CACNG8: variants seen among roughly 807,000 people sequenced by gnomAD.
CACNG8 encodes calcium voltage-gated channel auxiliary subunit gamma 8.
CACNG8 carries 5 observed loss-of-function variants against 26.9 expected under a neutral mutation model. The observed-to-expected ratio is 0.19, with a 90% confidence interval of 0.10 to 0.39. The LOEUF is 0.39. Among genes scored for constraint, CACNG8 ranks in the 10% least tolerant of loss-of-function variants. The pLI, the probability that CACNG8 is intolerant of heterozygous loss-of-function variation, is 1.00. For missense variants in CACNG8, 473 were observed against 609.4 expected (o/e 0.78, Z 2.36); for synonymous variants, 321 against 296.7 (o/e 1.08, Z -0.84).
Position 53,983,755 on chromosome 19 carries a change from C to G in CACNG8, c.*906C>G, listed in dbSNP as rs1446664004. On this transcript the variant is annotated 3_prime_UTR_variant, in exon 4 of 4. Transcript: ENST00000270458. ...ATGAGAAGAAGCCAGCAGGGCGGAG[C>G]TGGGGCAGGAGTGTGGCAGGCAGAG... is the stretch of plus-strand genomic sequence containing the variant. 7 of 152,596 alleles carry G rather than the reference C, an allele frequency of 4.6e-5. No homozygotes were observed. Among genetic ancestry groups the G allele is most frequent in the African/African-American group, 1.2e-4 (5 of 41,446 alleles). 9.5% of individuals were successfully genotyped at this position (152,596 alleles called of 1,614,324 possible).
Position 53,963,164 on chromosome 19 carries a change from A to G in CACNG8, c.22A>G (p.Asn8Asp). The change falls in exon 1 of 4, where the codon AAC (asparagine) becomes GAC (aspartate). Residue 8 changes from asparagine (N) to aspartate (D), a missense_variant. Asn to Asp is a conservative substitution (Grantham distance 23). This residue lies in a region of CACNG8 where 26 missense variants were observed against 23.8 expected (regional missense o/e 1.09). Coordinates refer to ENST00000270458, the MANE Select transcript of CACNG8 (RefSeq NM_031895.6). The stretch of plus-strand genomic sequence containing the variant: ...CAAACTGGAGTCGCTGAAGCGCTGG[A>G]ACGAAGAGCGGGGCCTCTGGTGCGA... 6.5e-7 allele frequency: 1 copy of G among 1,549,638 alleles called. No homozygotes were observed. Among genetic ancestry groups the G allele is most frequent in the Non-Finnish European group, 8.7e-7 (1 of 1,150,004 alleles).
At position 53,987,663 on chromosome 19, in the gene CACNG8, G is replaced by A. The variant is rs1478086094; in HGVS notation, c.*4814G>A. ...ACGCACATCTCTGATGGGCACCGAT[G>A]AGGATTGTTACCAGGAACGAGGAGA... is the stretch of plus-strand genomic sequence containing the variant. On this transcript the variant is annotated 3_prime_UTR_variant, in exon 4 of 4. Transcript: ENST00000270458. The A allele has an allele frequency of 2.6e-5, 4 of 152,318 alleles. No homozygotes were observed. Among genetic ancestry groups the A allele is most frequent in the African/African-American group, 9.7e-5 (4 of 41,430 alleles). The allele number at this position is 152,318 out of a possible 1,614,324, so 9.4% of individuals were successfully genotyped here.
At chr19:53,977,528 ACTC>A in intron 1 of CACNG8, among the ~76,000 whole-genome samples, 1 of 151,774 alleles carries the variant, frequency 6.6e-6, no homozygotes, top group South Asian at 2.1e-4. Flanking sequence ...TGCTTCAACT[ACTC>A]CATTTCTCTC....
Position 53,982,567 on chromosome 19 carries a change from C to T in CACNG8, c.996C>T (p.Ala332=), listed in dbSNP as rs2069377516. ...GGGCCGGCGGCGGCGGCGGCGGCGC[C>T]GTGGGGGCGTTCGGCGGCGCGGCCG... The change falls in exon 4 of 4, where the codon GCC becomes GCT. Residue 332 remains alanine, a synonymous_variant. Transcript: ENST00000270458. The surrounding 1 kb of genome is among the most constrained non-coding windows in gnomAD (Gnocchi z 8.4). 9.3e-6 allele frequency: 10 copies of T among 1,079,710 alleles called. No homozygotes were observed. Among genetic ancestry groups the T allele is most frequent in the Non-Finnish European group, 1.1e-5 (10 of 890,930 alleles). The allele number at this position is 1,079,710 out of a possible 1,614,324, so 66.9% of individuals were successfully genotyped here.
chr19:53,965,989 C>T (rs572135682), intron 1 of CACNG8, among the ~76,000 whole-genome samples: 44 of 152,086 alleles, frequency 2.9e-4, no homozygotes, highest in African/African-American at 9.2e-4. Flanking sequence ...TCAGCGTGGC[C>T]GGGGCAGAGT....
intron 3 of CACNG8, among the ~76,000 whole-genome samples, chr19:53,981,870 C>A (rs2069370692): frequency 1.3e-5 from 2 of 152,084 alleles, no homozygotes; most frequent in African/African-American, 4.8e-5. Context: ...CAGGGAAGCG[C>A]CTAGAGCATC....
chr19:53,963,850 G>GACA (rs200906804), intron 1 of CACNG8, among the ~76,000 whole-genome samples: 1 of 125,370 alleles, frequency 8.0e-6, no homozygotes, highest in African/African-American at 3.1e-5. Flanking sequence ...CGCCCAGGCT[G>GACA]GAGTACGGTG....
At chr19:53,966,041 G>T (rs1034573615) in intron 1 of CACNG8, among the ~76,000 whole-genome samples, 1 of 151,958 alleles carries the variant, frequency 6.6e-6, no homozygotes, top group Non-Finnish European at 1.5e-5. Context: ...AGTCGTAGGG[G>T]TATCAGGGTC....
At position 53,981,619 on chromosome 19, in the gene CACNG8, G is replaced by A. The variant is rs970031839; in HGVS notation, c.509-461G>A. On this transcript the variant is annotated intron_variant, in intron 3 of 3. Transcript: ENST00000270458. ...TGGGGGCAGGACCTGGACCATCCAG[G>A]GCCGTGTCTGGACCATTCAGGGCAG... 6.6e-5 allele frequency among the ~76,000 whole-genome samples: 10 copies of A among 152,112 alleles called. No individual in the cohort carries two copies. The South Asian group carries it at 1.2e-3, about 19-fold the overall frequency.
intron 1 of CACNG8, among the ~76,000 whole-genome samples, chr19:53,964,598 G>A (rs913800148): frequency 6.6e-6 from 1 of 151,952 alleles, no homozygotes; most frequent in African/African-American, 2.4e-5. Context: ...CTTCGACTTG[G>A]TTCTTTTCCT....
intron 3 of CACNG8, 84 bp downstream of exon 3, chr19:53,980,091 C>T: frequency 8.1e-6 from 11 of 1,353,714 alleles, no homozygotes; most frequent in Middle Eastern, 2.1e-4. Flanking sequence ...TGTGTGCGCG[C>T]GCGCGCGTGA....
At chr19:53,980,360 A>T (rs1220505111) in intron 3 of CACNG8, among the ~76,000 whole-genome samples, 1 of 151,910 alleles carries the variant, frequency 6.6e-6, no homozygotes, top group Non-Finnish European at 1.5e-5. Context: ...TTGAGACACA[A>T]TTGGGCTCTT....
At chr19:53,976,525 T>C (rs1363785606) in intron 1 of CACNG8, among the ~76,000 whole-genome samples, 1 of 152,224 alleles carries the variant, frequency 6.6e-6, no homozygotes, top group Non-Finnish European at 1.5e-5. Flanking sequence ...CTTATATTAA[T>C]TCTTCCCAGT....
rs2069427661 is a variant in CACNG8, at chr19:53,989,502, A to G, written c.*6653A>G. The G allele has an allele frequency of 1.3e-5, 2 of 152,450 alleles. No individual in the cohort carries two copies. The highest frequency in any genetic ancestry group is 2.4e-5 in the African/African-American group (1 of 41,434). 9.4% of individuals were successfully genotyped at this position (152,450 alleles called of 1,614,324 possible). On this transcript the variant is annotated 3_prime_UTR_variant, in exon 4 of 4. Transcript: ENST00000270458. Reference sequence around the variant, plus strand: ...AGCACAGCATCAAGGAATGATCAATAAAAAGAAAAAAAAATATTTCCTGAG... The same window carrying G: ...AGCACAGCATCAAGGAATGATCAATGAAAAGAAAAAAAAATATTTCCTGAG...
intron 3 of CACNG8, among the ~76,000 whole-genome samples, chr19:53,980,804 C>A (rs2069362059): frequency 6.6e-6 from 1 of 152,128 alleles, no homozygotes; most frequent in African/African-American, 2.4e-5. Flanking sequence ...AGGGGTAAGG[C>A]CCCCTTTCTA....
intron 1 of CACNG8, among the ~76,000 whole-genome samples, chr19:53,968,796 G>A (rs987454631): frequency 5.5e-5 from 8 of 145,362 alleles, no homozygotes; most frequent in African/African-American, 2.2e-4. Flanking sequence ...AAAAAAGGGA[G>A]GGAGGTGAGA....
At chr19:53,971,870 G>C (rs1489614899) in intron 1 of CACNG8, among the ~76,000 whole-genome samples, 1 of 152,200 alleles carries the variant, frequency 6.6e-6, no homozygotes, top group East Asian at 1.9e-4. Context: ...GCATGCCCGG[G>C]TCTGCGCTAG....
intron 2 of CACNG8, 73 bp from the exon 3 acceptor site, chr19:53,979,794 G>T: frequency 6.8e-7 from 1 of 1,475,044 alleles, no homozygotes; most frequent in African/African-American, 1.4e-5. Context: ...ATGGGGGGCC[G>T]GGAAGGGGGC....
rs2069410538 is a variant in CACNG8 at position 53,986,800 on chromosome 19, G to A, written c.*3951G>A. ...TAGACCTTGTGGCAGAGGTCACAGA[G>A]ATGTGGATTGTGAGTAGGAAAGAGA... is the stretch of plus-strand genomic sequence containing the variant. On this transcript the variant is annotated 3_prime_UTR_variant, in exon 4 of 4. Transcript: ENST00000270458. 6.6e-6 allele frequency: 1 copy of A among 152,286 alleles called. No individual in the cohort carries two copies. Among genetic ancestry groups the A allele is most frequent in the Admixed American group, 6.5e-5 (1 of 15,270 alleles). 9.4% of individuals were successfully genotyped at this position (152,286 alleles called of 1,614,324 possible). A position where few individuals can be genotyped will look rare whatever the true frequency, so the allele number is the denominator to read the frequency against.
Sources: allele counts gnomAD v4.1 joint callset (sites outside exome capture counted in the v4.1 genomes callset), GRCh38; gene constraint gnomAD v4.1.1; regional missense constraint gnomAD v4.1.1; non-coding constraint Gnocchi (gnomAD v3.1); transcripts MANE v1.5; gene names NCBI Gene and HGNC (gene_info 2026-07-23, HGNC 2026-07-21).